The following DGKD variants were observed in gnomAD, a reference collection of about 807,000 sequenced individuals.
DGKD encodes diacylglycerol kinase delta, also known as DAG kinase delta.
In DGKD, 68 loss-of-function variants were observed where a neutral mutation model predicts 154.4. That is an observed-to-expected ratio of 0.44 (90% confidence interval 0.36 to 0.54). The LOEUF (loss-of-function observed/expected upper bound fraction) is 0.54. Ranked by LOEUF, DGKD falls within the 20% of genes least tolerant of loss-of-function variation. DGKD has a pLI of 0.00. For missense variants in DGKD, 1,343 were observed against 1,593.6 expected (o/e 0.84, Z 2.68); for synonymous variants, 693 against 638.0 (o/e 1.09, Z -1.30).
At chr2:233,453,814 G>C (rs903973406) in intron 18 of DGKD, among the ~76,000 whole-genome samples, 1 of 150,340 alleles carries the variant, frequency 6.7e-6, no homozygotes, top group Non-Finnish European at 1.5e-5. Flanking sequence ...ACTTCCAGCT[G>C]GGTGGGGAGA....
chr2:233,457,327 A>T lies in DGKD; in HGVS notation c.2579A>T (p.Asp860Val). ...TTCTGGGGGGGTACCAAGGAAGATGATGTATGTATGGGGTGTGAGCGGGTG... is the reference window on the plus strand; with the variant it reads ...TTCTGGGGGGGTACCAAGGAAGATGTTGTATGTATGGGGTGTGAGCGGGTG... The part of the protein sequence containing the change: ...TNFWGGTKED[D>V]TFAAPSFDDK... Residue 860 changes from aspartate (D) to valine (V), a missense_variant and splice_region_variant, in exon 21 of 30, where the codon GAT (aspartate) becomes GTT (valine). Around this residue, in one of 6 missense-constraint regions of DGKD, gnomAD observed 429 missense variants for 496.3 expected, o/e 0.86. Coordinates refer to ENST00000264057, the MANE Select transcript of DGKD (RefSeq NM_152879.3). The surrounding 1 kb of genome is among the most constrained non-coding windows in gnomAD (Gnocchi z 5.5). 6.5e-7 allele frequency: 1 copy of T among 1,538,352 alleles called. No homozygotes were observed. The highest frequency in any genetic ancestry group is 1.4e-5 in the African/African-American group (1 of 72,892).
At chr2:233,379,266 T>C (rs1475153678) in intron 1 of DGKD, among the ~76,000 whole-genome samples, 1 of 152,082 alleles carries the variant, frequency 6.6e-6, no homozygotes, top group African/African-American at 2.4e-5. Context: ...AGCTTAGTCA[T>C]TTCCCAGCCA....
At chr2:233,380,219 A>G (rs1328071474) in intron 1 of DGKD, among the ~76,000 whole-genome samples, 2 of 152,218 alleles carry the variant, frequency 1.3e-5, no homozygotes, top group Non-Finnish European at 2.9e-5. Flanking sequence ...AATATTAACT[A>G]AAGAGGAAAC....
At chr2:233,398,200 T>C (rs544608457) in intron 3 of DGKD, among the ~76,000 whole-genome samples, 1 of 151,300 alleles carries the variant, frequency 6.6e-6, no homozygotes, top group Non-Finnish European at 1.5e-5. Context: ...TGGAGTGCAG[T>C]GGTGCGATCT....
chr2:233,416,892 G>GGA (rs2061973582), intron 3 of DGKD, among the ~76,000 whole-genome samples: 1 of 152,190 alleles, frequency 6.6e-6, no homozygotes, highest in Non-Finnish European at 1.5e-5. Context: ...CACTAACGCA[G>GGA]GATGCAGTCA....
intron 1 of DGKD, among the ~76,000 whole-genome samples, chr2:233,357,255 T>C (rs1255725868): frequency 6.6e-6 from 1 of 152,162 alleles, no homozygotes; most frequent in Non-Finnish European, 1.5e-5. Flanking sequence ...GGTCACCTCC[T>C]CCACAACTTG....
chr2:233,434,749 T>G lies in DGKD; in HGVS notation c.454-20T>G, dbSNP rs1424795879. Reference sequence around the variant, plus strand: ...TAAAAGAGAAGTCTTATCTTTGCCCTCTTGGTTTCGTTCTTCCAGCCCACC... The same window carrying G: ...TAAAAGAGAAGTCTTATCTTTGCCCGCTTGGTTTCGTTCTTCCAGCCCACC... On this transcript the variant is annotated intron_variant, in intron 4 of 29. Transcript: ENST00000264057. The G allele has an allele frequency of 2.5e-6, 4 of 1,599,236 alleles. No homozygotes were observed. The highest frequency in any genetic ancestry group is 3.4e-6 in the Non-Finnish European group (4 of 1,172,520).
rs573858716 is a variant in DGKD, at chr2:233,379,304, C to T, written c.157-8953C>T. ...AGAAGAGGAGCTGAGGATTTCCAGG[C>T]GGAGGAAAGAGTATATTCAAAAAAG... On this transcript the variant is annotated intron_variant, in intron 1 of 29. Coordinates refer to ENST00000264057, the MANE Select transcript of DGKD (RefSeq NM_152879.3). Among the ~76,000 whole-genome samples, 13 of 151,994 alleles carry T rather than the reference C, an allele frequency of 8.6e-5. No individual in the cohort carries two copies. In the South Asian group the frequency reaches 2.3e-3, roughly 27 times the overall value.
chr2:233,402,397 A>C (rs2061582313), intron 3 of DGKD, among the ~76,000 whole-genome samples: 1 of 152,172 alleles, frequency 6.6e-6, no homozygotes, highest in South Asian at 2.1e-4. Flanking sequence ...AGTAATGTGT[A>C]CTTGGCCACA....
rs2124978258 is a variant in DGKD at position 233,469,458 on chromosome 2, TAGCCTCTGTCCTCTC to T, written c.*4_*18del. Reference sequence around the variant, plus strand: ...CCGCAGCGCCCCCGCCGTCGAGGCCTAGCCTCTGTCCTCTCAGCCTGTGGCCTCCACATCCCCGCC... The same window carrying T: ...CCGCAGCGCCCCCGCCGTCGAGGCCTAGCCTGTGGCCTCCACATCCCCGCC... On this transcript the variant is annotated stop_retained_variant and 3_prime_UTR_variant, in exon 30 of 30. Transcript: ENST00000264057. 6.3e-7 allele frequency: 1 copy of T among 1,596,170 alleles called. No homozygotes were observed. Among genetic ancestry groups the T allele is most frequent in the Non-Finnish European group, 8.5e-7 (1 of 1,172,504 alleles).
chr2:233,385,855 C>T (rs1378992981), intron 1 of DGKD: 2 of 439,830 alleles, frequency 4.5e-6, no homozygotes, highest in Non-Finnish European at 9.4e-6. Context: ...AAATAATGGT[C>T]TTTATCTTTT....
Position 233,451,060 on chromosome 2 carries a change from G to C in DGKD, c.2167+10G>C. The stretch of plus-strand genomic sequence containing the variant: ...AAGATCCTGTACCCAAGTGAGTGGC[G>C]GCCAGCAGGAGGGACTGGTGGGGGC... On this transcript the variant is annotated intron_variant, in intron 17 of 29. Transcript: ENST00000264057. The C allele has an allele frequency of 1.3e-6, 2 of 1,598,096 alleles. No individual in the cohort carries two copies. The highest frequency in any genetic ancestry group is 1.7e-6 in the Non-Finnish European group (2 of 1,166,866).
intron 3 of DGKD, among the ~76,000 whole-genome samples, chr2:233,407,160 T>A (rs894974989): frequency 6.6e-6 from 1 of 152,210 alleles, no homozygotes; most frequent in Non-Finnish European, 1.5e-5. Flanking sequence ...GTTTCTAATC[T>A]CCACCACCAG....
At chr2:233,420,528 A>T (rs1459238288) in intron 3 of DGKD, among the ~76,000 whole-genome samples, 1 of 152,172 alleles carries the variant, frequency 6.6e-6, no homozygotes, top group African/African-American at 2.4e-5. Flanking sequence ...TCATGTTTAT[A>T]TACTTTTTTG....
At chr2:233,401,919 C>CA (rs34388122) in intron 3 of DGKD, among the ~76,000 whole-genome samples, 1,573 of 54,792 alleles carry the variant, frequency 0.029, 205 homozygotes, top group Admixed American at 0.057. Context: ...GACTCTGTCT[C>CA]AAAAAAAAAA....
In DGKD at chr2:233,457,980, C is replaced by G. The variant is rs2063513037; in HGVS notation, c.2581-304C>G. 6.6e-6 allele frequency among the ~76,000 whole-genome samples: 1 copy of G among 152,208 alleles called. No homozygotes were observed. Among genetic ancestry groups the G allele is most frequent in the Non-Finnish European group, 1.5e-5 (1 of 68,034 alleles). On this transcript the variant is annotated intron_variant, in intron 21 of 29. Coordinates refer to ENST00000264057, the MANE Select transcript of DGKD (RefSeq NM_152879.3). The surrounding 1 kb of genome is among the most constrained non-coding windows in gnomAD (Gnocchi z 5.5). ...GTGTGCTGGCCCCAGTCCTGGCACT[C>G]TGCAGCGTTAACTCACTTGGCCCTA...
At chr2:233,357,859 C>G (rs1001668375) in intron 1 of DGKD, among the ~76,000 whole-genome samples, 2 of 152,130 alleles carry the variant, frequency 1.3e-5, no homozygotes, top group Non-Finnish European at 2.9e-5. Flanking sequence ...CTAACAAGCT[C>G]CCAGAAGATG....
intron 3 of DGKD, among the ~76,000 whole-genome samples, chr2:233,397,158 CG>C (rs1181508009): frequency 6.6e-4 from 19 of 28,698 alleles, no homozygotes; most frequent in African/African-American, 3.4e-3. Context: ...AGGGTGGCTG[CG>C]GGGGGGGCCA....
At chr2:233,467,986 C>T (rs1285728885) in intron 28 of DGKD, among the ~76,000 whole-genome samples, 1 of 152,132 alleles carries the variant, frequency 6.6e-6, no homozygotes, top group African/African-American at 2.4e-5. Context: ...GCTTTGGCCA[C>T]AATCATGAGG....
Sources: allele counts gnomAD v4.1 joint callset (sites outside exome capture counted in the v4.1 genomes callset), GRCh38; gene constraint gnomAD v4.1.1; regional missense constraint gnomAD v4.1.1; non-coding constraint Gnocchi (gnomAD v3.1); transcripts MANE v1.5; gene names NCBI Gene and HGNC (gene_info 2026-07-23, HGNC 2026-07-21).